The following INPP4B variants were observed in gnomAD, a reference collection of about 807,000 sequenced individuals.
The protein encoded by INPP4B is inositol polyphosphate-4-phosphatase type II B, also known as inositol polyphosphate 4-phosphatase type II.
A neutral mutation model predicts 122.5 loss-of-function variants in INPP4B; 55 were observed. That is an observed-to-expected ratio of 0.45 (90% CI 0.36 to 0.56). INPP4B has a LOEUF of 0.56. INPP4B is among the 20% of genes least tolerant of loss of function. The pLI, the probability that INPP4B is intolerant of heterozygous loss-of-function variation, is 0.00. For synonymous variants in INPP4B, 403 were observed against 388.7 expected (o/e 1.04, Z -0.43); for missense variants, 1,000 against 1,097.7 (o/e 0.91, Z 1.26).
At chr4:142,059,023 T>C (rs2152428018) in intron 25 of INPP4B, among the ~76,000 whole-genome samples, 1 of 152,262 alleles carries the variant, frequency 6.6e-6, no homozygotes, top group Middle Eastern at 3.4e-3. Context: ...TCAATATGTT[T>C]GTGGAGGAGA....
chr4:142,369,372 C>T (rs745659970), intron 7 of INPP4B, among the ~76,000 whole-genome samples: 4 of 151,380 alleles, frequency 2.6e-5, no homozygotes, highest in Non-Finnish European at 5.9e-5. Context: ...ATGCTTGAGC[C>T]AAGGAGTTCA....
At chr4:142,615,101 C>G (rs563151571) in intron 2 of INPP4B, among the ~76,000 whole-genome samples, 376 of 152,178 alleles carry the variant, frequency 2.5e-3, no homozygotes, top group African/African-American at 8.4e-3. Context: ...GTAAGTTTAT[C>G]GCAGCACTAT....
chr4:142,697,101 TTGA>T (rs1374804739), intron 2 of INPP4B, among the ~76,000 whole-genome samples: 1 of 152,214 alleles, frequency 6.6e-6, no homozygotes, highest in East Asian at 1.9e-4. Flanking sequence ...ACATGTGATG[TTGA>T]TGTCAATCAT....
At chr4:142,627,182 A>G (rs1746643375) in intron 2 of INPP4B, among the ~76,000 whole-genome samples, 2 of 152,270 alleles carry the variant, frequency 1.3e-5, no homozygotes, top group South Asian at 2.1e-4. Flanking sequence ...TAGATATACA[A>G]TCATGTCGTC....
chr4:142,485,848 G>A (rs191421212), intron 2 of INPP4B, among the ~76,000 whole-genome samples: 45 of 152,184 alleles, frequency 3.0e-4, no homozygotes, highest in African/African-American at 9.1e-4. Flanking sequence ...ATAGCACTAC[G>A]AATAAGGCTA....
At chr4:142,644,291 A>G (rs549538546) in intron 2 of INPP4B, among the ~76,000 whole-genome samples, 4 of 148,610 alleles carry the variant, frequency 2.7e-5, no homozygotes, top group South Asian at 2.2e-4. Flanking sequence ...GGAGGAGGAG[A>G]AGGAAGAGGA....
At position 142,246,114 on chromosome 4, in the gene INPP4B, A is replaced by AT. The variant is rs1351514617; in HGVS notation, c.689-8104dup. ...TGTGTGTGTGTATACACACATATAT[A>AT]TATGTGTATGTATACACACACATAT... On this transcript the variant is annotated intron_variant, in intron 11 of 25. Transcript: ENST00000262992. Among the ~76,000 whole-genome samples, 618 of 143,494 alleles carry AT rather than the reference A, an allele frequency of 4.3e-3. 51 individuals carry two copies. Among genetic ancestry groups the AT allele is most frequent in the African/African-American group, 0.017 (575 of 34,268 alleles). The allele number at this position is 143,494 out of a possible 152,430, so 94.1% of individuals were successfully genotyped here.
chr4:142,780,935 A>G (rs1247267255), intron 1 of INPP4B, among the ~76,000 whole-genome samples: 2 of 152,218 alleles, frequency 1.3e-5, no homozygotes, highest in African/African-American at 4.8e-5. Flanking sequence ...TATAAAATTA[A>G]TGAGAATATA....
chr4:142,265,693 A>C (rs1210195814), intron 10 of INPP4B, among the ~76,000 whole-genome samples: 1 of 152,218 alleles, frequency 6.6e-6, no homozygotes, highest in Non-Finnish European at 1.5e-5. Flanking sequence ...AATAATCCAG[A>C]CAGGGCAGAG....
Position 142,746,812 on chromosome 4 carries a change from T to G in INPP4B, c.-253-20911A>C, listed in dbSNP as rs993024780. Among the ~76,000 whole-genome samples the G allele has an allele frequency of 7.9e-5, 12 of 152,308 alleles. 1 individual carries two copies. The highest frequency in any genetic ancestry group is 7.8e-4 in the Admixed American group (12 of 15,288). On this transcript the variant is annotated intron_variant, in intron 1 of 25. Coordinates refer to ENST00000262992, the MANE Select transcript of INPP4B (RefSeq NM_001101669.3). The stretch of plus-strand genomic sequence containing the variant: ...AAACAAAGGTGTTGAGAAAACTGGC[T>G]AGCCATATGCAGAAAGCTGAAACTG...
intron 2 of INPP4B, among the ~76,000 whole-genome samples, chr4:142,658,525 A>G (rs28848935): frequency 0.076 from 11,525 of 152,262 alleles, 479 homozygotes; most frequent in South Asian, 0.1. Context: ...TGTGATCAAG[A>G]TATGGAGCAT....
At chr4:142,257,118 C>G (rs1007847197) in intron 11 of INPP4B, among the ~76,000 whole-genome samples, 2 of 152,090 alleles carry the variant, frequency 1.3e-5, no homozygotes, top group African/African-American at 4.8e-5. Flanking sequence ...ATGATTATCT[C>G]AATAGATGCA....
At chr4:142,222,986 T>C (rs976939398) in intron 12 of INPP4B, among the ~76,000 whole-genome samples, 1 of 151,888 alleles carries the variant, frequency 6.6e-6, no homozygotes, top group Non-Finnish European at 1.5e-5. Context: ...TTTAAAGGCA[T>C]ATGAATCTGT....
At chr4:142,448,329 C>CAAAAAAAAAA (rs71586289) in intron 3 of INPP4B, among the ~76,000 whole-genome samples, 1 of 61,986 alleles carries the variant, frequency 1.6e-5, no homozygotes, top group Non-Finnish European at 2.9e-5. Flanking sequence ...TATCCATCTC[C>CAAAAAAAAAA]AAAAAAAAAA....
intron 7 of INPP4B, among the ~76,000 whole-genome samples, chr4:142,355,720 G>A (rs1303137717): frequency 2.0e-5 from 3 of 151,968 alleles, no homozygotes; most frequent in African/African-American, 7.2e-5. Flanking sequence ...AAATTTACCA[G>A]TTTCTGGCAA....
intron 1 of INPP4B, among the ~76,000 whole-genome samples, chr4:142,777,199 A>G (rs1393480164): frequency 2.0e-5 from 3 of 152,098 alleles, no homozygotes; most frequent in Non-Finnish European, 4.4e-5. Context: ...TGGTGTTAAG[A>G]CCTTGGCAGG....
chr4:142,419,746 C>A (rs1415017109), intron 5 of INPP4B, among the ~76,000 whole-genome samples: 1 of 152,124 alleles, frequency 6.6e-6, no homozygotes, highest in Non-Finnish European at 1.5e-5. Flanking sequence ...TAGGTCTCTT[C>A]ATGTCCCCAT....
chr4:142,152,713 C>T (rs906817088), intron 17 of INPP4B, among the ~76,000 whole-genome samples: 1 of 152,130 alleles, frequency 6.6e-6, no homozygotes, highest in Non-Finnish European at 1.5e-5. Flanking sequence ...CCTGCCTCAG[C>T]CTCCCAAGTA....
intron 2 of INPP4B, among the ~76,000 whole-genome samples, chr4:142,534,883 G>C (rs1828011340): frequency 6.6e-6 from 1 of 151,846 alleles, no homozygotes. Context: ...CTAAGAGTAA[G>C]TAAAACATTT....
Sources: allele counts gnomAD v4.1 joint callset (sites outside exome capture counted in the v4.1 genomes callset), GRCh38; gene constraint gnomAD v4.1.1; transcripts MANE v1.5; gene names NCBI Gene and HGNC (gene_info 2026-07-23, HGNC 2026-07-21).